CBFA2T3: variants seen among roughly 807,000 people sequenced by gnomAD.
CBFA2T3 encodes CBFA2/RUNX1 partner transcriptional co-repressor 3, also known as transcriptional corepressor CBFA2T3.
A neutral mutation model predicts 58.6 loss-of-function variants in CBFA2T3; 31 were observed. The observed-to-expected ratio is 0.53, with a 90% CI of 0.40 to 0.71. CBFA2T3 has a LOEUF of 0.71. CBFA2T3 is among the 30% of genes least tolerant of loss of function. The pLI, the probability that CBFA2T3 is intolerant of heterozygous loss-of-function variation, is 0.00. For missense variants in CBFA2T3, 1,076 were observed against 963.1 expected, an observed-to-expected ratio of 1.12 and a Z score of -1.55; for synonymous variants, 531 against 421.9, an observed-to-expected ratio of 1.26 and a Z score of -3.17.
Position 88,927,444 on chromosome 16 carries a change from C to T in CBFA2T3, c.152-25788G>A, listed in dbSNP as rs1395725386. Among the ~76,000 whole-genome samples the T allele has an allele frequency of 7.2e-5, 11 of 152,172 alleles. 1 individual carries two copies. Among genetic ancestry groups the T allele is most frequent in the African/African-American group, 1.9e-4 (8 of 41,436 alleles). ...TGTTTTCTGGGTGTCTGAATCCTGCCGGGGTGGAGGAGGGGCTGGGGAAGA... is the reference window on the plus strand; with the variant it reads ...TGTTTTCTGGGTGTCTGAATCCTGCTGGGGTGGAGGAGGGGCTGGGGAAGA... On this transcript the variant is annotated intron_variant, in intron 1 of 11. Transcript: ENST00000268679.
At chr16:88,899,061 C>T (rs1016084892) in intron 2 of CBFA2T3, among the ~76,000 whole-genome samples, 27 of 147,542 alleles carry the variant, frequency 1.8e-4, no homozygotes, top group Non-Finnish European at 4.5e-5. Flanking sequence ...TATGCCTTCC[C>T]CCTCCCCACC....
chr16:88,968,118 C>T (rs768483429), intron 1 of CBFA2T3, among the ~76,000 whole-genome samples: 7 of 152,228 alleles, frequency 4.6e-5, no homozygotes, highest in Non-Finnish European at 7.3e-5. Context: ...CCCCCCATAC[C>T]GCCCATGCTG....
Position 88,976,711 on chromosome 16 carries a change from G to T in CBFA2T3, c.97C>A (p.Leu33Ile). ...GCGGAGCAGCCGGCAGATGCCAGGAGGCCGCTCTCCAGCACAGGGTGCGTC... is the reference window on the plus strand; with the variant it reads ...GCGGAGCAGCCGGCAGATGCCAGGATGCCGCTCTCCAGCACAGGGTGCGTC... ...SQTHPVLESG[L>I]LASAGCSAPR... is the part of the protein sequence containing the mutation. Residue 33 changes from leucine (L) to isoleucine (I), a missense_variant, in exon 1 of 12, where the codon CTC becomes ATC. Coordinates refer to ENST00000268679, the MANE Select transcript of CBFA2T3 (RefSeq NM_005187.6). 1.9e-6 allele frequency: 3 copies of T among 1,559,528 alleles called. No homozygotes were observed. Among genetic ancestry groups the T allele is most frequent in the Non-Finnish European group, 2.6e-6 (3 of 1,151,768 alleles).
At chr16:88,880,904 G>A in intron 9 of CBFA2T3, 116 bp from the exon 10 acceptor site, 1 of 981,728 alleles carries the variant, frequency 1.0e-6, no homozygotes, top group Admixed American at 2.1e-5. Flanking sequence ...GCGTCCCTGG[G>A]GGGAGGCCCA....
At chr16:88,897,895 C>A (rs556188261) in intron 3 of CBFA2T3, among the ~76,000 whole-genome samples, 183 bp downstream of exon 3, 7 of 152,336 alleles carry the variant, frequency 4.6e-5, no homozygotes, top group African/African-American at 1.7e-4. Flanking sequence ...AGCGACCCGG[C>A]GGCTCTGCCC....
chr16:88,954,144 C>T (rs1211524232), intron 1 of CBFA2T3, among the ~76,000 whole-genome samples: 3 of 152,238 alleles, frequency 2.0e-5, no homozygotes, highest in African/African-American at 7.2e-5. Context: ...CCAAGATAGC[C>T]CTCTGACCAC....
chr16:88,919,955 G>T (rs1002525377), intron 1 of CBFA2T3, among the ~76,000 whole-genome samples: 1 of 152,258 alleles, frequency 6.6e-6, no homozygotes, highest in Non-Finnish European at 1.5e-5. Context: ...GAATTAAAGC[G>T]ATTTACAAGT....
In CBFA2T3 at chr16:88,879,292, T is replaced by C. The variant is rs759775241; in HGVS notation, c.1640A>G (p.Asn547Ser). Reference protein sequence around the residue: ...QASEDALTVINQQEDSSESCW... With the variant: ...QASEDALTVISQQEDSSESCW... The stretch of plus-strand genomic sequence containing the variant: ...TACCTCGCTGGAGTCCTCCTGCTGG[T>C]TGATGACCGTCAGGGCGTCCTCGGA... The change falls in exon 11 of 12, where the codon AAC becomes AGC. Residue 547 changes from asparagine (N) to serine (S), a missense_variant. By Grantham distance (46) the Asn-to-Ser change is conservative. Transcript: ENST00000268679. 15 of 1,602,650 alleles carry C rather than the reference T, an allele frequency of 9.4e-6. No homozygotes were observed. The highest frequency in any genetic ancestry group is 1.2e-5 in the Non-Finnish European group (14 of 1,174,106).
intron 7 of CBFA2T3, 163 bp downstream of exon 7, chr16:88,884,883 C>T (rs1011931620): frequency 2.2e-5 from 13 of 588,026 alleles, no homozygotes; most frequent in South Asian, 8.8e-5. Context: ...CTGCAGCCAC[C>T]GCTCTGCTCC....
At chr16:88,898,740 CG>C (rs1242375225) in intron 2 of CBFA2T3, among the ~76,000 whole-genome samples, 1 of 152,172 alleles carries the variant, frequency 6.6e-6, no homozygotes, top group African/African-American at 2.4e-5. Context: ...AAGAAAGATT[CG>C]GCTGGGCTCA....
intron 1 of CBFA2T3, among the ~76,000 whole-genome samples, chr16:88,961,386 T>C (rs572311932): frequency 1.3e-3 from 148 of 116,728 alleles, no homozygotes; most frequent in Middle Eastern, 0.012. Context: ...CCATAGCAAC[T>C]GACCCTCAGC....
In CBFA2T3 at chr16:88,898,106, G is replaced by A. The variant is rs76461985; in HGVS notation, c.351C>T (p.Gly117=). The part of the protein sequence containing the change: ...PATLPHGRFH[G]CLKWSMVCLL... ...GACAGACCATAGACCATTTTAAGCAGCCATGAAAACGGCCGTGGGGCAGCG... is the reference window on the plus strand; with the variant it reads ...GACAGACCATAGACCATTTTAAGCAACCATGAAAACGGCCGTGGGGCAGCG... The change falls in exon 3 of 12, where the codon GGC becomes GGT. Residue 117 remains glycine, a synonymous_variant. Transcript: ENST00000268679. 9.0e-4 allele frequency: 1,457 copies of A among 1,610,662 alleles called. 11 individuals are homozygous for A. The African/African-American group carries it at 0.017, about 19-fold the overall frequency.
At chr16:88,899,526 G>A (rs1970018536) in intron 2 of CBFA2T3, among the ~76,000 whole-genome samples, 1 of 152,170 alleles carries the variant, frequency 6.6e-6, no homozygotes, top group African/African-American at 2.4e-5. Flanking sequence ...AGTGGAGGGA[G>A]CAGGAAGGAC....
At chr16:88,913,385 C>T (rs955727529) in intron 1 of CBFA2T3, among the ~76,000 whole-genome samples, 1 of 152,226 alleles carries the variant, frequency 6.6e-6, no homozygotes, top group African/African-American at 2.4e-5. Flanking sequence ...GAACTGTGAG[C>T]CAAAGAAGGG....
chr16:88,909,403 G>A (rs1970447771), intron 1 of CBFA2T3, among the ~76,000 whole-genome samples: 1 of 152,250 alleles, frequency 6.6e-6, no homozygotes, highest in Non-Finnish European at 1.5e-5. Context: ...TGACATGAAT[G>A]CACGCGTGGC....
intron 2 of CBFA2T3, among the ~76,000 whole-genome samples, chr16:88,901,080 C>A (rs1465544646): frequency 1.3e-5 from 2 of 152,260 alleles, no homozygotes; most frequent in African/African-American, 2.4e-5. Flanking sequence ...TGCTGTATGA[C>A]CCTGCGGAAG....
At position 88,879,385 on chromosome 16, in the gene CBFA2T3, G is replaced by C; in HGVS notation, c.1547C>G (p.Ala516Gly). The change falls in exon 11 of 12, where the codon GCG becomes GGG. Residue 516 changes from alanine to glycine, a missense_variant. Coordinates refer to ENST00000268679, the MANE Select transcript of CBFA2T3 (RefSeq NM_005187.6). ...QKAVSDAERK[A>G]HELITTERAK... ...ACGCTCCGTGGTGATGAGCTCGTGCGCTTTGCGCTCCGCGTCCGACACGGC... is the reference window on the plus strand; with the variant it reads ...ACGCTCCGTGGTGATGAGCTCGTGCCCTTTGCGCTCCGCGTCCGACACGGC... The C allele has an allele frequency of 6.2e-7, 1 of 1,613,158 alleles. No homozygotes were observed. The highest frequency in any genetic ancestry group is 8.5e-7 in the Non-Finnish European group (1 of 1,179,826).
At chr16:88,920,028 T>C (rs1472491439) in intron 1 of CBFA2T3, among the ~76,000 whole-genome samples, 1 of 152,256 alleles carries the variant, frequency 6.6e-6, no homozygotes, top group African/African-American at 2.4e-5. Context: ...CCGAGCACTC[T>C]GCTCAAGGAT....
chr16:88,941,773 C>G (rs919816273), intron 1 of CBFA2T3: 1 of 149,568 alleles, frequency 6.7e-6, no homozygotes, highest in African/African-American at 2.4e-5. Flanking sequence ...ACACCCACCT[C>G]GCAGCAGTCG....
Sources: allele counts gnomAD v4.1 joint callset (sites outside exome capture counted in the v4.1 genomes callset), GRCh38; gene constraint gnomAD v4.1.1; transcripts MANE v1.5; gene names NCBI Gene and HGNC (gene_info 2026-07-23, HGNC 2026-07-21).